MYBBP1A: variants seen among roughly 807,000 people sequenced by gnomAD.
The protein encoded by MYBBP1A is MYB binding protein 1a, also known as myb-binding protein 1A.
A neutral mutation model predicts 136.3 loss-of-function variants in MYBBP1A; 147 were observed. The observed-to-expected ratio is 1.08, with a 90% confidence interval of 0.94 to 1.24. MYBBP1A has a LOEUF of 1.24. Among genes scored for constraint, MYBBP1A ranks in the 50% most tolerant of loss-of-function variants. The pLI is 0.00. For missense variants in MYBBP1A, 2,060 were observed against 1,727.4 expected (o/e 1.19, Z -3.41); for synonymous variants, 947 against 735.8 (o/e 1.29, Z -4.65).
chr17:4,551,971 G>T lies in MYBBP1A; in HGVS notation c.932C>A (p.Ala311Glu), dbSNP rs117615621. ...CTCCTTGGTCAGCAGGGGCAGGGCC[G>T]CGCCCAGCAGGCGGAAACACAGGTA... Reference protein sequence around the residue: ...ASYLCFRLLGAALPLLTKEQL... With the variant: ...ASYLCFRLLGEALPLLTKEQL... The change falls in exon 8 of 26, where the codon GCG becomes GAG. Residue 311 changes from alanine to glutamate, a missense_variant. Ala to Glu is a moderately radical substitution (Grantham distance 107). Transcript: ENST00000254718. 30,539 of 1,610,878 alleles carry T rather than the reference G, an allele frequency of 0.019. 381 individuals carry two copies. The highest frequency in any genetic ancestry group is 0.027 in the Middle Eastern group (165 of 6,054).
intron 19 of MYBBP1A, among the ~76,000 whole-genome samples, chr17:4,543,501 C>A (rs541706390): frequency 2.6e-5 from 4 of 152,178 alleles, no homozygotes; most frequent in African/African-American, 9.7e-5. Context: ...TAAAGCGAGA[C>A]AAGGGTTCAT....
intron 22 of MYBBP1A, 105 bp downstream of exon 22, chr17:4,542,359 G>A (rs780265637): frequency 1.4e-4 from 179 of 1,296,652 alleles, no homozygotes; most frequent in Middle Eastern, 5.5e-4. Flanking sequence ...AGCTGTGCCC[G>A]TGCTCACCAG....
At chr17:4,547,704 T>C (rs1302927279) in intron 13 of MYBBP1A, 1 of 428,738 alleles carries the variant, frequency 2.3e-6, no homozygotes, top group South Asian at 6.3e-5. Flanking sequence ...ATGTCAAACA[T>C]GGAGAGGGGG....
chr17:4,544,650 C>T lies in MYBBP1A; in HGVS notation c.2482-4G>A, dbSNP rs1353270510. ...GCACCTCCACCAGGTCCAGCACCTG[C>T]AGCCAGGAGGGCAGGTCAGCAACAC... On this transcript the variant is annotated splice_polypyrimidine_tract_variant and splice_region_variant and intron_variant, in intron 18 of 25. Transcript: ENST00000254718. 2.6e-6 allele frequency: 4 copies of T among 1,567,046 alleles called. No individual in the cohort carries two copies. Among genetic ancestry groups the T allele is most frequent in the Non-Finnish European group, 3.5e-6 (4 of 1,157,008 alleles).
At position 4,542,745 on chromosome 17, in the gene MYBBP1A, G is replaced by A; in HGVS notation, c.2893-4C>T. ...TCAAGTCCAAGCAGCTGGCAGCCTA[G>A]GCCAGGGGAGAGCGAGCTGGGTGAG... On this transcript the variant is annotated splice_region_variant and splice_polypyrimidine_tract_variant and intron_variant, in intron 20 of 25. Transcript: ENST00000254718. 1.2e-6 allele frequency: 2 copies of A among 1,613,728 alleles called. No homozygotes were observed. Among genetic ancestry groups the A allele is most frequent in the East Asian group, 2.2e-5 (1 of 44,886 alleles).
Position 4,549,785 on chromosome 17 carries a change from CAAAAAAAA to C in MYBBP1A, c.1319+265_1319+272del, listed in dbSNP as rs60360356. On this transcript the variant is annotated intron_variant, in intron 9 of 25. Transcript: ENST00000254718. ...TAGGCCACAGAGAGTGAGACTCTGT[CAAAAAAAA>C]AAAAAAAAAAAAAAAAGAACCAGCA... Among the ~76,000 whole-genome samples, 10 of 65,404 alleles carry C rather than the reference CAAAAAAAA, an allele frequency of 1.5e-4. No individual in the cohort carries two copies. In the South Asian group the frequency reaches 2.9e-3, roughly 19 times the overall value. 42.9% of individuals were successfully genotyped at this position (65,404 alleles called of 152,430 possible).
chr17:4,542,759 G>T lies in MYBBP1A; in HGVS notation c.2893-18C>A, dbSNP rs757805532. ...CTGGCAGCCTAGGCCAGGGGAGAGC[G>T]AGCTGGGTGAGGCCAGGAGAGGGGT... On this transcript the variant is annotated intron_variant, in intron 20 of 25. Coordinates refer to ENST00000254718, the MANE Select transcript of MYBBP1A (RefSeq NM_014520.4). 1.9e-6 allele frequency: 3 copies of T among 1,612,528 alleles called. No individual in the cohort carries two copies. The African/African-American group carries it at 4.0e-5, about 22-fold the overall frequency.
chr17:4,548,268 G>A lies in MYBBP1A; in HGVS notation c.1599C>T (p.Gly533=). ...TCCAGGGCTGCCCACCCTGGGTCTGGCCCGGTGCCTGCTTGAACTGCGTGC... is the reference window on the plus strand; with the variant it reads ...TCCAGGGCTGCCCACCCTGGGTCTGACCCGGTGCCTGCTTGAACTGCGTGC... ...TLSTQFKQAP[G]QTQGGQPWTY... is the part of the protein sequence containing the mutation. The change falls in exon 12 of 26, where the codon GGC becomes GGT. Residue 533 remains glycine, a synonymous_variant. Transcript: ENST00000254718. This position sits in a 1 kb window ranked among gnomAD's most constrained non-coding sequence, Gnocchi z 4.2. The A allele has an allele frequency of 6.2e-7, 1 of 1,612,424 alleles. No homozygotes were observed. The highest frequency in any genetic ancestry group is 1.3e-5 in the African/African-American group (1 of 75,060).
chr17:4,543,780 C>A (rs924626795), intron 19 of MYBBP1A, among the ~76,000 whole-genome samples: 1 of 152,124 alleles, frequency 6.6e-6, no homozygotes, highest in Non-Finnish European at 1.5e-5. Flanking sequence ...GTCTCTCCCA[C>A]GCCTGCCACC....
chr17:4,553,932 GGGA>G lies in MYBBP1A; in HGVS notation c.454-18_454-16del. On this transcript the variant is annotated splice_polypyrimidine_tract_variant and intron_variant, in intron 4 of 25. Coordinates refer to ENST00000254718, the MANE Select transcript of MYBBP1A (RefSeq NM_014520.4). ...GCCTCCTGGTCCTGGTCCCCACAGAGGGACAGAGGGTATGAGCAGGGCACACGA... is the reference window on the plus strand; with the variant it reads ...GCCTCCTGGTCCTGGTCCCCACAGAGCAGAGGGTATGAGCAGGGCACACGA... 1 of 1,613,958 alleles carries G rather than the reference GGGA, an allele frequency of 6.2e-7. No individual in the cohort carries two copies. The highest frequency in any genetic ancestry group is 2.2e-5 in the East Asian group (1 of 44,884).
At position 4,540,451 on chromosome 17, in the gene MYBBP1A, C is replaced by T. The variant is rs1567602633; in HGVS notation, c.3331G>A (p.Val1111Met). The T allele has an allele frequency of 6.2e-7, 1 of 1,610,690 alleles. No homozygotes were observed. Among genetic ancestry groups the T allele is most frequent in the Non-Finnish European group, 8.5e-7 (1 of 1,179,516 alleles). ...AGGCTCTGCTGTTGCCCCTGCAGCA[C>T]ACCCAGGAGCACCGTCAGGTCCAAG... Reference protein sequence around the residue: ...LTLDLTVLLGVLQGQQQSLQQ... With the variant: ...LTLDLTVLLGMLQGQQQSLQQ... Residue 1111 changes from valine to methionine, a missense_variant, in exon 25 of 26, where the codon GTG (valine) becomes ATG (methionine). Val to Met is a conservative substitution (Grantham distance 21). Coordinates refer to ENST00000254718, the MANE Select transcript of MYBBP1A (RefSeq NM_014520.4).
chr17:4,540,448 G>A lies in MYBBP1A; in HGVS notation c.3334C>T (p.Leu1112=), dbSNP rs1906303630. The change falls in exon 25 of 26, where the codon CTG becomes TTG. Residue 1112 remains leucine, a synonymous_variant. Coordinates refer to ENST00000254718, the MANE Select transcript of MYBBP1A (RefSeq NM_014520.4). ...TGTAGGCTCTGCTGTTGCCCCTGCA[G>A]CACACCCAGGAGCACCGTCAGGTCC... ...TLDLTVLLGV[L]QGQQQSLQQG... is the part of the protein sequence containing the mutation. 4.3e-6 allele frequency: 7 copies of A among 1,610,724 alleles called. No homozygotes were observed. Among genetic ancestry groups the A allele is most frequent in the African/African-American group, 1.3e-5 (1 of 74,892 alleles).
intron 13 of MYBBP1A, chr17:4,547,638 T>TTC: frequency 6.8e-6 from 2 of 293,828 alleles, no homozygotes; most frequent in Non-Finnish European, 1.3e-5. Context: ...CCAGAAGGTG[T>TTC]TCCCACAGCA....
intron 19 of MYBBP1A, 198 bp from the exon 20 acceptor site, chr17:4,543,363 CA>C (rs1906649499): frequency 5.8e-6 from 4 of 687,246 alleles, no homozygotes; most frequent in Admixed American, 6.0e-5. Flanking sequence ...GCTGGGGTGA[CA>C]GGGGCGCTCC....
intron 19 of MYBBP1A, 98 bp from the exon 20 acceptor site, chr17:4,543,263 C>G (rs1275886828): frequency 1.4e-6 from 2 of 1,446,670 alleles, no homozygotes; most frequent in Non-Finnish European, 1.8e-6. Context: ...AGTGGGGAAA[C>G]AGACCTAGAA....
chr17:4,547,773 C>CT, intron 13 of MYBBP1A, 185 bp downstream of exon 13: 1 of 539,114 alleles, frequency 1.9e-6, no homozygotes, highest in South Asian at 2.8e-5. Flanking sequence ...AGGACACCAG[C>CT]TGGTGCCGCT....
At chr17:4,553,755 T>C (rs892098808) in intron 5 of MYBBP1A, 55 bp downstream of exon 5, 15 of 1,385,488 alleles carry the variant, frequency 1.1e-5, no homozygotes, top group East Asian at 2.3e-5. Context: ...CCGAGCCCCC[T>C]TGATGTCTCT....
At chr17:4,545,990 C>T (rs1372782470) in intron 13 of MYBBP1A, 48 bp from the exon 14 acceptor site, 1 of 1,560,108 alleles carries the variant, frequency 6.4e-7, no homozygotes, top group Admixed American at 1.8e-5. Flanking sequence ...TGTCCCCAGC[C>T]CTTCTAAACC....
chr17:4,543,173 T>C lies in MYBBP1A; in HGVS notation c.2640-8A>G. On this transcript the variant is annotated splice_polypyrimidine_tract_variant and splice_region_variant and intron_variant, in intron 19 of 25. Transcript: ENST00000254718. ...GCACGGCACAGGTGGTGCCTGTGGG[T>C]GGTGAGGACGAGAGCTGGTCAGAAC... is the stretch of plus-strand genomic sequence containing the variant. 1 of 1,598,092 alleles carries C rather than the reference T, an allele frequency of 6.3e-7. No homozygotes were observed.
Sources: gnomAD v4.1 joint callset for allele counts (sites outside exome capture counted in the v4.1 genomes callset) on GRCh38, gnomAD v4.1.1 for gene constraint, Gnocchi (gnomAD v3.1) non-coding constraint, MANE v1.5 for transcripts, NCBI Gene and HGNC (gene_info 2026-07-23, HGNC 2026-07-21) for gene names.